The following CALCRL variants were observed in gnomAD, a reference collection of about 807,000 sequenced individuals.
The protein encoded by CALCRL is calcitonin gene-related peptide type 1 receptor.
A neutral mutation model predicts 60.4 loss-of-function variants in CALCRL; 27 were observed. The observed-to-expected ratio is 0.45, with a 90% CI of 0.33 to 0.62. CALCRL has a LOEUF of 0.62. CALCRL is among the 20% of genes least tolerant of loss of function. The pLI is 0.03. For synonymous variants in CALCRL, 190 were observed against 182.6 expected, an observed-to-expected ratio of 1.04 and a Z score of -0.33; for missense variants, 424 against 540.7, an observed-to-expected ratio of 0.78 and a Z score of 2.14.
At chr2:187,361,993 G>T (rs1470471955) in intron 9 of CALCRL, among the ~76,000 whole-genome samples, 1 of 151,890 alleles carries the variant, frequency 6.6e-6, no homozygotes, top group Non-Finnish European at 1.5e-5. Flanking sequence ...TATATGGAGA[G>T]AAATCATAAA....
At chr2:187,356,580 C>G (rs1051914602) in intron 12 of CALCRL, among the ~76,000 whole-genome samples, 1 of 152,140 alleles carries the variant, frequency 6.6e-6, no homozygotes, top group African/African-American at 2.4e-5. Flanking sequence ...CAATATCATT[C>G]AGGACATAGG....
intron 3 of CALCRL, among the ~76,000 whole-genome samples, chr2:187,386,633 T>C (rs1688214810): frequency 6.6e-6 from 1 of 152,130 alleles, no homozygotes; most frequent in African/African-American, 2.4e-5. Context: ...CTGGAGTGTT[T>C]TTCCAAATGC....
intron 1 of CALCRL, among the ~76,000 whole-genome samples, chr2:187,414,879 T>A (rs115807974): frequency 0.4 from 4,261 of 10,664 alleles, 226 homozygotes; most frequent in East Asian, 0.52. Flanking sequence ...GAAAATTATT[T>A]TTTTTTTTTT....
At chr2:187,443,767 G>T (rs1691039275) in intron 1 of CALCRL, among the ~76,000 whole-genome samples, 1 of 151,402 alleles carries the variant, frequency 6.6e-6, no homozygotes, top group Admixed American at 6.6e-5. Context: ...AACTCTCTTT[G>T]TCTATTATAA....
At chr2:187,396,186 T>A (rs6710849) in intron 1 of CALCRL, among the ~76,000 whole-genome samples, 2,978 of 28,016 alleles carry the variant, frequency 0.11, 94 homozygotes, top group African/African-American at 0.22. Context: ...CCAAAAAAAA[T>A]AAATAAATAA....
At chr2:187,385,678 TAAATG>T in intron 3 of CALCRL, 47 bp from the exon 4 acceptor site, 1 of 910,044 alleles carries the variant, frequency 1.1e-6, no homozygotes, top group South Asian at 1.6e-5. Flanking sequence ...ATTTATGAAA[TAAATG>T]CAGATGATTC....
At chr2:187,413,399 C>A (rs1343994048) in intron 1 of CALCRL, among the ~76,000 whole-genome samples, 1 of 152,052 alleles carries the variant, frequency 6.6e-6, no homozygotes, top group Non-Finnish European at 1.5e-5. Context: ...GTAAGTGAAT[C>A]ACTATTTTTA....
At chr2:187,421,888 T>C (rs1024797018) in intron 1 of CALCRL, among the ~76,000 whole-genome samples, 1 of 152,194 alleles carries the variant, frequency 6.6e-6, no homozygotes, top group African/African-American at 2.4e-5. Flanking sequence ...CCATCCAACT[T>C]TCTTTTCCCT....
chr2:187,415,763 T>C, intron 1 of CALCRL: 1 of 490,328 alleles, frequency 2.0e-6, no homozygotes, highest in Non-Finnish European at 3.7e-6. Context: ...GACCACTTTG[T>C]CAAGCTCATT....
chr2:187,357,208 G>A (rs932231431), intron 12 of CALCRL, among the ~76,000 whole-genome samples: 1 of 151,954 alleles, frequency 6.6e-6, no homozygotes, highest in Non-Finnish European at 1.5e-5. Flanking sequence ...GTACACGTAT[G>A]TTTTCTTGCA....
At chr2:187,436,526 C>T (rs534883647) in intron 1 of CALCRL, 1 of 152,286 alleles carries the variant, frequency 6.6e-6, no homozygotes, top group East Asian at 1.9e-4. Context: ...GTGGTATTTA[C>T]TTTTCACAAT....
intron 9 of CALCRL, among the ~76,000 whole-genome samples, chr2:187,363,038 G>T (rs1687124669): frequency 6.6e-6 from 1 of 152,056 alleles, no homozygotes; most frequent in Admixed American, 6.6e-5. Context: ...ATAGCAAGAG[G>T]ACTCTACAGC....
intron 1 of CALCRL, among the ~76,000 whole-genome samples, chr2:187,417,398 T>C (rs1689662188): frequency 6.6e-6 from 1 of 152,102 alleles, no homozygotes; most frequent in Non-Finnish European, 1.5e-5. Context: ...TTGTGACATT[T>C]ATGCTGGTGA....
In CALCRL at chr2:187,366,918, C is replaced by CA. The variant is rs1553506257; in HGVS notation, c.501-3417_501-3416insT. On this transcript the variant is annotated intron_variant, in intron 8 of 14. Transcript: ENST00000392370. ...AAAAATGTCATTATTGTGAGTATAA[C>CA]CCCACACACACACACACACACACAC... Among the ~76,000 whole-genome samples the CA allele has an allele frequency of 6.9e-3, 585 of 84,592 alleles. 3 individuals carry two copies. Among genetic ancestry groups the CA allele is most frequent in the African/African-American group, 0.024 (545 of 22,440 alleles). 55.5% of individuals were successfully genotyped at this position (84,592 alleles called of 152,430 possible). A position where few individuals can be genotyped will look rare whatever the true frequency, so the allele number is the denominator to read the frequency against.
chr2:187,353,282 A>G (rs1686614472), intron 12 of CALCRL, among the ~76,000 whole-genome samples: 1 of 151,894 alleles, frequency 6.6e-6, no homozygotes, highest in African/African-American at 2.4e-5. Flanking sequence ...GAAGAGCTCC[A>G]TAGGGGCTAA....
At chr2:187,361,785 A>T (rs557482123) in intron 9 of CALCRL, among the ~76,000 whole-genome samples, 48 of 152,110 alleles carry the variant, frequency 3.2e-4, no homozygotes, top group Non-Finnish European at 6.6e-4. Context: ...TTTATACATC[A>T]ATCAAATCTA....
chr2:187,392,570 A>G (rs1201000397), intron 1 of CALCRL, among the ~76,000 whole-genome samples: 1 of 152,162 alleles, frequency 6.6e-6, no homozygotes, highest in Non-Finnish European at 1.5e-5. Flanking sequence ...ATCATTCTAC[A>G]CAATCTAAAA....
chr2:187,444,243 AAAAAG>A (rs996748970), intron 1 of CALCRL, among the ~76,000 whole-genome samples: 2 of 151,692 alleles, frequency 1.3e-5, no homozygotes, highest in African/African-American at 4.8e-5. Context: ...TTTTTAATTC[AAAAAG>A]ATATGTTCCA....
rs963553891 is a variant in CALCRL at position 187,369,651 on chromosome 2, A to G, written c.501-6149T>C. 2.0e-5 allele frequency among the ~76,000 whole-genome samples: 3 copies of G among 152,190 alleles called. No individual in the cohort carries two copies. The South Asian group carries it at 6.2e-4, about 32-fold the overall frequency. On this transcript the variant is annotated intron_variant, in intron 8 of 14. Coordinates refer to ENST00000392370, the MANE Select transcript of CALCRL (RefSeq NM_005795.6). Reference sequence around the variant, plus strand: ...TACTAGAACTGGGGAAACAGTTGTGAATAATACAAAGCAAAACCCTGACCT... The same window carrying G: ...TACTAGAACTGGGGAAACAGTTGTGGATAATACAAAGCAAAACCCTGACCT...
Sources: allele counts gnomAD v4.1 joint callset (sites outside exome capture counted in the v4.1 genomes callset), GRCh38; gene constraint gnomAD v4.1.1; transcripts MANE v1.5; gene names NCBI Gene and HGNC (gene_info 2026-07-23, HGNC 2026-07-21).